PPTC7: variants seen among roughly 807,000 people sequenced by gnomAD.
The protein encoded by PPTC7 is protein phosphatase PTC7 homolog.
PPTC7 carries 6 observed loss-of-function variants against 30.8 expected under a neutral mutation model. That is an observed-to-expected ratio of 0.19 (90% CI 0.11 to 0.38). The LOEUF is 0.38. PPTC7 is among the 10% of genes least tolerant of loss of function. The pLI is 1.00. For synonymous variants in PPTC7, 163 were observed against 168.1 expected, an observed-to-expected ratio of 0.97 and a Z score of 0.23; for missense variants, 218 against 404.8, an observed-to-expected ratio of 0.54 and a Z score of 3.96.
chr12:110,553,831 C>T (rs546560628), intron 1 of PPTC7, among the ~76,000 whole-genome samples: 10 of 152,232 alleles, frequency 6.6e-5, no homozygotes, highest in African/African-American at 2.4e-4. Context: ...AAAGAGAATG[C>T]ATTATCAAGA....
At chr12:110,544,063 T>G (rs541141890) in intron 3 of PPTC7, among the ~76,000 whole-genome samples, 2 of 152,232 alleles carry the variant, frequency 1.3e-5, no homozygotes, top group Non-Finnish European at 2.9e-5. Context: ...CTAACAATAA[T>G]GTAGATTACA....
At chr12:110,562,708 G>T (rs1369088502) in intron 1 of PPTC7, among the ~76,000 whole-genome samples, 1 of 151,726 alleles carries the variant, frequency 6.6e-6, no homozygotes, top group Non-Finnish European at 1.5e-5. Flanking sequence ...CAGGAGAATC[G>T]CTTGAACCCA....
chr12:110,571,126 C>A (rs1430983884), intron 1 of PPTC7, among the ~76,000 whole-genome samples: 1 of 152,056 alleles, frequency 6.6e-6, no homozygotes. Context: ...AGCTTGTGCA[C>A]TCGGAAGAAG....
chr12:110,581,973 A>C (rs1464663506), intron 1 of PPTC7, among the ~76,000 whole-genome samples: 1 of 152,202 alleles, frequency 6.6e-6, no homozygotes, highest in African/African-American at 2.4e-5. Context: ...TAAGGCGTAC[A>C]TTATGGTAAA....
At chr12:110,578,804 TG>T (rs1424605786) in intron 1 of PPTC7, among the ~76,000 whole-genome samples, 4 of 152,210 alleles carry the variant, frequency 2.6e-5, no homozygotes, top group African/African-American at 9.7e-5. Context: ...TAATTCAGGT[TG>T]TAACTCCAAC....
At chr12:110,554,869 A>T (rs962303318) in intron 1 of PPTC7, among the ~76,000 whole-genome samples, 5 of 152,244 alleles carry the variant, frequency 3.3e-5, no homozygotes, top group Admixed American at 6.5e-5. Flanking sequence ...AAGGAACTGA[A>T]AACGATCCAT....
intron 2 of PPTC7, among the ~76,000 whole-genome samples, chr12:110,547,629 C>T (rs936450642): frequency 2.0e-5 from 3 of 152,010 alleles, no homozygotes; most frequent in African/African-American, 4.8e-5. Context: ...GTAAAGTTTA[C>T]TAGAAGTCAA....
In PPTC7 at chr12:110,577,366, T is replaced by C. The variant is rs113624939; in HGVS notation, c.223+5443A>G. 7.3e-3 allele frequency among the ~76,000 whole-genome samples: 1,108 copies of C among 151,996 alleles called. 10 individuals carry two copies. The highest frequency in any genetic ancestry group is 9.1e-3 in the Non-Finnish European group (617 of 67,990). ...TGGTGTCCTGACATGGCTTGAAATC[T>C]AGCTGAGGAAAATTCCAACAAGGAC... On this transcript the variant is annotated intron_variant, in intron 1 of 5. Transcript: ENST00000354300.
chr12:110,542,336 G>A (rs1022122892), intron 3 of PPTC7, among the ~76,000 whole-genome samples: 1 of 151,592 alleles, frequency 6.6e-6, no homozygotes, highest in African/African-American at 2.4e-5. Flanking sequence ...AGACATGGAT[G>A]CTTCTATATG....
At chr12:110,557,099 C>G (rs1303343395) in intron 1 of PPTC7, among the ~76,000 whole-genome samples, 1 of 152,168 alleles carries the variant, frequency 6.6e-6, no homozygotes, top group African/African-American at 2.4e-5. Flanking sequence ...TTCAAGAACT[C>G]TAAAGTTCTT....
intron 2 of PPTC7, among the ~76,000 whole-genome samples, chr12:110,550,103 AAT>A (rs2064338721): frequency 6.6e-6 from 1 of 152,170 alleles, no homozygotes; most frequent in Non-Finnish European, 1.5e-5. Flanking sequence ...CAAGTTAGTT[AAT>A]CACAGCACAA....
chr12:110,534,476 C>T lies in PPTC7; in HGVS notation c.*2561G>A, dbSNP rs2064203398. On this transcript the variant is annotated 3_prime_UTR_variant, in exon 6 of 6. Transcript: ENST00000354300. The stretch of plus-strand genomic sequence containing the variant: ...GAATCAGACCCACCAAGTGGTACAG[C>T]ACAGTAACAACCCATGGAAGCTTGG... 6.6e-6 allele frequency: 1 copy of T among 151,860 alleles called. No homozygotes were observed. Among genetic ancestry groups the T allele is most frequent in the Non-Finnish European group, 1.5e-5 (1 of 68,016 alleles). The allele number at this position is 151,860 out of a possible 1,614,324, so 9.4% of individuals were successfully genotyped here.
chr12:110,577,300 A>C (rs984634295), intron 1 of PPTC7, among the ~76,000 whole-genome samples: 6 of 147,088 alleles, frequency 4.1e-5, no homozygotes, highest in African/African-American at 1.5e-4. Context: ...AAGTAAAATT[A>C]AAAAAAAAAA....
chr12:110,538,075 C>G lies in PPTC7; in HGVS notation c.856+69G>C, dbSNP rs77352178. On this transcript the variant is annotated intron_variant, in intron 5 of 5. Coordinates refer to ENST00000354300, the MANE Select transcript of PPTC7 (RefSeq NM_139283.2). ...ACACCTCCACAGTCTCACCCAGAGC[C>G]CAGAATGCTCCACTCTACTGACACC... is the stretch of plus-strand genomic sequence containing the variant. The G allele has an allele frequency of 1.7e-3, 2,622 of 1,550,292 alleles. 51 individuals carry two copies. The African/African-American group carries it at 0.033, about 19-fold the overall frequency.
intron 1 of PPTC7, among the ~76,000 whole-genome samples, chr12:110,574,298 T>C (rs887883110): frequency 1.3e-5 from 2 of 151,972 alleles, no homozygotes; most frequent in Non-Finnish European, 2.9e-5. Context: ...TAAGTGGAGA[T>C]AAGAGCAGCA....
chr12:110,538,375 G>T, intron 4 of PPTC7, 102 bp from the exon 5 acceptor site: 2 of 1,166,986 alleles, frequency 1.7e-6, no homozygotes. Context: ...AGTTAGAAAA[G>T]ACATTAAAAC....
At chr12:110,556,166 A>T (rs2064385498) in intron 1 of PPTC7, among the ~76,000 whole-genome samples, 1 of 152,260 alleles carries the variant, frequency 6.6e-6, no homozygotes, top group African/African-American at 2.4e-5. Flanking sequence ...AACATTAATC[A>T]GATTTCTCCC....
intron 1 of PPTC7, among the ~76,000 whole-genome samples, chr12:110,553,232 C>G (rs1343625961): frequency 1.3e-5 from 2 of 151,652 alleles, no homozygotes; most frequent in Non-Finnish European, 2.9e-5. Flanking sequence ...ACCGCAACCT[C>G]TCCGCCTCCT....
chr12:110,538,637 C>G (rs765635012), intron 4 of PPTC7, among the ~76,000 whole-genome samples: 233 of 152,296 alleles, frequency 1.5e-3, no homozygotes, highest in Non-Finnish European at 2.9e-3. Flanking sequence ...AGTTTGCTCT[C>G]CAAGAGCTAC....
Sources: allele counts gnomAD v4.1 joint callset (sites outside exome capture counted in the v4.1 genomes callset), GRCh38; gene constraint gnomAD v4.1.1; transcripts MANE v1.5; gene names NCBI Gene and HGNC (gene_info 2026-07-23, HGNC 2026-07-21).